LHFPL2: variants seen among roughly 807,000 people sequenced by gnomAD.
The protein encoded by LHFPL2 is LHFPL tetraspan subfamily member 2 protein.
A neutral mutation model predicts 17.5 loss-of-function variants in LHFPL2; 7 were observed. The ratio of observed to expected loss-of-function variants is 0.40; its 90% confidence interval spans 0.23 to 0.75. LHFPL2 has a LOEUF of 0.75. Ranked by LOEUF, LHFPL2 falls within the 30% of genes least tolerant of loss-of-function variation. The pLI is 0.37. For synonymous variants in LHFPL2, 134 were observed against 116.2 expected (o/e 1.15, Z -0.99); for missense variants, 241 against 294.8 (o/e 0.82, Z 1.34).
chr5:78,578,311 G>A (rs970137409), intron 2 of LHFPL2, among the ~76,000 whole-genome samples: 10 of 152,280 alleles, frequency 6.6e-5, no homozygotes, highest in African/African-American at 1.9e-4. Context: ...AAAGCAATGA[G>A]GGAGCTGAAA....
In LHFPL2 at chr5:78,509,974, C is replaced by T. The variant is rs749162272; in HGVS notation, c.240G>A (p.Thr80=). 6.2e-7 allele frequency: 1 copy of T among 1,613,788 alleles called. No homozygotes were observed. The highest frequency in any genetic ancestry group is 8.5e-7 in the Non-Finnish European group (1 of 1,179,964). Reference sequence around the variant, plus strand: ...AGCTCTCGGCGTAGGGCCCGCACAGCGTGTCCCGCTGGAAGTGCTGCACCC... The same window carrying T: ...AGCTCTCGGCGTAGGGCCCGCACAGTGTGTCCCGCTGGAAGTGCTGCACCC... ...NPGVQHFQRD[T]LCGPYAESFG... The change falls in exon 4 of 5, where the codon ACG becomes ACA. Residue 80 remains threonine (T), a synonymous_variant. Coordinates refer to ENST00000380345, the MANE Select transcript of LHFPL2 (RefSeq NM_005779.3).
intron 4 of LHFPL2, among the ~76,000 whole-genome samples, chr5:78,504,290 C>T (rs933843710): frequency 6.6e-6 from 1 of 152,304 alleles, no homozygotes; most frequent in South Asian, 2.1e-4. Context: ...ACCAAGGTCA[C>T]ACCACCCCAG....
At chr5:78,593,098 T>C (rs1008620947) in intron 2 of LHFPL2, among the ~76,000 whole-genome samples, 2 of 152,158 alleles carry the variant, frequency 1.3e-5, no homozygotes, top group African/African-American at 2.4e-5. Flanking sequence ...CGGTGTCTGG[T>C]TGGAAGCAGT....
chr5:78,496,767 T>G (rs2112297609), intron 4 of LHFPL2, among the ~76,000 whole-genome samples: 1 of 152,376 alleles, frequency 6.6e-6, no homozygotes, highest in Non-Finnish European at 1.5e-5. Context: ...CATCAGCCAG[T>G]GCTCTGCCTC....
At chr5:78,532,751 T>A (rs1755823679) in intron 3 of LHFPL2, among the ~76,000 whole-genome samples, 1 of 152,108 alleles carries the variant, frequency 6.6e-6, no homozygotes, top group Non-Finnish European at 1.5e-5. Context: ...TTTTTCCATC[T>A]TATTAACCAA....
At position 78,648,062 on chromosome 5, in the gene LHFPL2, C is replaced by CA. The variant is rs2112537527; in HGVS notation, c.-350+436dup. On this transcript the variant is annotated intron_variant, in intron 1 of 4. Transcript: ENST00000380345. The surrounding 1 kb of genome is among the most constrained non-coding windows in gnomAD (Gnocchi z 5.4). ...TGACCCACACGCCACGGACCAGGGA[C>CA]AGCAGGGGCGACCACGGGGCGGCCC... Among the ~76,000 whole-genome samples the CA allele has an allele frequency of 6.6e-6, 1 of 152,282 alleles. No individual in the cohort carries two copies. Among genetic ancestry groups the CA allele is most frequent in the South Asian group, 2.1e-4 (1 of 4,820 alleles).
chr5:78,566,091 A>T (rs1483385710), intron 2 of LHFPL2, among the ~76,000 whole-genome samples: 1 of 152,250 alleles, frequency 6.6e-6, no homozygotes, highest in Non-Finnish European at 1.5e-5. Flanking sequence ...ACATAAGGTA[A>T]ATTAAACAGA....
intron 2 of LHFPL2, among the ~76,000 whole-genome samples, chr5:78,619,993 T>C (rs1456039583): frequency 1.9e-5 from 2 of 105,450 alleles, no homozygotes; most frequent in Non-Finnish European, 3.9e-5. Flanking sequence ...TATAGCAGCA[T>C]GATTTATAGT....
chr5:78,635,280 G>A (rs1002221593), intron 1 of LHFPL2, among the ~76,000 whole-genome samples: 7 of 152,244 alleles, frequency 4.6e-5, no homozygotes, highest in African/African-American at 1.7e-4. Context: ...GACAGAGAAA[G>A]CATGCACTAA....
At chr5:78,495,954 C>G (rs960102686) in intron 4 of LHFPL2, among the ~76,000 whole-genome samples, 1 of 152,190 alleles carries the variant, frequency 6.6e-6, no homozygotes, top group Admixed American at 6.5e-5. Flanking sequence ...CTGTTATTCA[C>G]AGTGACCCCC....
intron 3 of LHFPL2, among the ~76,000 whole-genome samples, chr5:78,556,049 T>C (rs1458622300): frequency 6.6e-6 from 1 of 152,060 alleles, no homozygotes; most frequent in Non-Finnish European, 1.5e-5. Context: ...GCTCATGAGG[T>C]GTGGGTGAGG....
At chr5:78,621,391 T>C (rs140774102) in intron 2 of LHFPL2, among the ~76,000 whole-genome samples, 37 of 150,546 alleles carry the variant, frequency 2.5e-4, no homozygotes, top group African/African-American at 9.0e-4. Context: ...TCTCCACCCA[T>C]TCCTAAGTCA....
chr5:78,511,047 C>T (rs1755105335), intron 3 of LHFPL2, among the ~76,000 whole-genome samples: 1 of 151,948 alleles, frequency 6.6e-6, no homozygotes, highest in African/African-American at 2.4e-5. Flanking sequence ...ATACTTTATC[C>T]ATTTTTCACA....
intron 3 of LHFPL2, among the ~76,000 whole-genome samples, chr5:78,544,751 T>TTACACACACACACACACACGTA (rs558235117): frequency 1.9e-3 from 212 of 109,614 alleles, no homozygotes; most frequent in African/African-American, 6.9e-3. Flanking sequence ...GGCCATCTTC[T>TTACACACACACACACACACGTA]TACACACACA....
At chr5:78,511,418 T>C (rs1212660217) in intron 3 of LHFPL2, among the ~76,000 whole-genome samples, 2 of 152,088 alleles carry the variant, frequency 1.3e-5, no homozygotes, top group Non-Finnish European at 2.9e-5. Flanking sequence ...TTCAGAGGAG[T>C]CTGGACCCTG....
At chr5:78,594,179 A>T (rs1350900964) in intron 2 of LHFPL2, among the ~76,000 whole-genome samples, 3 of 152,222 alleles carry the variant, frequency 2.0e-5, no homozygotes, top group Non-Finnish European at 2.9e-5. Flanking sequence ...CTGCTTCTCT[A>T]AAACAATGGC....
intron 3 of LHFPL2, among the ~76,000 whole-genome samples, chr5:78,524,212 C>T (rs1003661162): frequency 6.6e-6 from 1 of 152,212 alleles, no homozygotes; most frequent in Admixed American, 6.5e-5. Flanking sequence ...TTATGCTCCT[C>T]GGCCTCACAG....
At chr5:78,562,668 G>T (rs1439778833) in intron 3 of LHFPL2, among the ~76,000 whole-genome samples, 1 of 151,452 alleles carries the variant, frequency 6.6e-6, no homozygotes, top group Non-Finnish European at 1.5e-5. Flanking sequence ...AGCAGGATCA[G>T]ATTGCTCTAC....
intron 2 of LHFPL2, among the ~76,000 whole-genome samples, chr5:78,606,078 C>T (rs113690157): frequency 0.025 from 3,813 of 152,326 alleles, 85 homozygotes; most frequent in Non-Finnish European, 0.04. Flanking sequence ...TCAACTGATA[C>T]TCACCAAGTG....
Sources: allele counts gnomAD v4.1 joint callset (sites outside exome capture counted in the v4.1 genomes callset), GRCh38; gene constraint gnomAD v4.1.1; non-coding constraint Gnocchi (gnomAD v3.1); transcripts MANE v1.5; gene names NCBI Gene and HGNC (gene_info 2026-07-23, HGNC 2026-07-21).